CSMD3: variants seen among roughly 807,000 people sequenced by gnomAD.
CSMD3 encodes CUB and sushi domain-containing protein 3.
Under a neutral mutation model 435.2 loss-of-function variants are expected in CSMD3, and 177 were observed. The observed-to-expected ratio is 0.41, with a 90% CI of 0.36 to 0.46. The LOEUF is 0.46. CSMD3 is among the 20% of genes least tolerant of loss of function. The probability of loss-of-function intolerance (pLI) is 0.34; values close to 1 mark genes in which losing one functional copy is unlikely to be tolerated. For missense variants in CSMD3, 4,265 were observed against 4,504.6 expected (o/e 0.95, Z 1.52); for synonymous variants, 1,656 against 1,520.5 (o/e 1.09, Z -2.07).
intron 17 of CSMD3, among the ~76,000 whole-genome samples, chr8:112,656,664 A>C (rs1308792968): frequency 6.6e-6 from 1 of 152,094 alleles, no homozygotes; most frequent in Non-Finnish European, 1.5e-5. Flanking sequence ...TGTCTTCCTT[A>C]TTTTTATGGA....
chr8:112,766,748 T>A (rs1461693531), intron 13 of CSMD3, among the ~76,000 whole-genome samples: 1 of 151,744 alleles, frequency 6.6e-6, no homozygotes, highest in Non-Finnish European at 1.5e-5. Flanking sequence ...GGCAAGTTAA[T>A]GAAAAAGGAG....
At chr8:113,300,176 A>AAAAC (rs1554602392) in intron 2 of CSMD3, among the ~76,000 whole-genome samples, 9 of 149,512 alleles carry the variant, frequency 6.0e-5, no homozygotes, top group African/African-American at 2.0e-4. Flanking sequence ...AAAAAAAAAA[A>AAAAC]AACAACAGAT....
chr8:112,842,248 G>T (rs183053686), intron 11 of CSMD3, among the ~76,000 whole-genome samples: 1 of 151,826 alleles, frequency 6.6e-6, no homozygotes, highest in African/African-American at 2.4e-5. Context: ...TCTCAGTGAC[G>T]GAAAGCAAAA....
At chr8:113,339,111 T>G (rs1023748519) in intron 1 of CSMD3, among the ~76,000 whole-genome samples, 1 of 151,968 alleles carries the variant, frequency 6.6e-6, no homozygotes, top group African/African-American at 2.4e-5. Flanking sequence ...TATAACAGAA[T>G]AATAAGAATA....
chr8:112,402,123 C>T (rs1384940102), intron 35 of CSMD3, among the ~76,000 whole-genome samples: 1 of 152,136 alleles, frequency 6.6e-6, no homozygotes. Flanking sequence ...AGTCATTTAG[C>T]CATAATGAAC....
chr8:112,418,217 G>T (rs1206989269), intron 32 of CSMD3, among the ~76,000 whole-genome samples: 1 of 152,002 alleles, frequency 6.6e-6, no homozygotes. Flanking sequence ...CTCTTATAAT[G>T]TTTGGCTACT....
chr8:112,605,073 C>A (rs1390641012), intron 22 of CSMD3, among the ~76,000 whole-genome samples: 1 of 152,084 alleles, frequency 6.6e-6, no homozygotes, highest in Non-Finnish European at 1.5e-5. Flanking sequence ...ATCAAAACCA[C>A]AATGAGATAT....
chr8:113,123,804 A>G (rs972055410), intron 4 of CSMD3, among the ~76,000 whole-genome samples: 2 of 151,982 alleles, frequency 1.3e-5, no homozygotes, highest in Non-Finnish European at 2.9e-5. Context: ...TGTAGATCCC[A>G]TCTGGCTTAT....
intron 63 of CSMD3, among the ~76,000 whole-genome samples, chr8:112,253,417 T>C (rs1426610841): frequency 1.3e-5 from 2 of 151,982 alleles, no homozygotes; most frequent in African/African-American, 2.4e-5. Context: ...GCCTGAACTG[T>C]AGATAAATGG....
intron 16 of CSMD3, among the ~76,000 whole-genome samples, chr8:112,671,795 T>C (rs935498242): frequency 6.6e-6 from 1 of 152,088 alleles, no homozygotes; most frequent in African/African-American, 2.4e-5. Context: ...CATTTTATAC[T>C]CTCTTTACCA....
chr8:112,683,819 A>C (rs1352088484), intron 15 of CSMD3, among the ~76,000 whole-genome samples: 1 of 151,864 alleles, frequency 6.6e-6, no homozygotes, highest in Non-Finnish European at 1.5e-5. Context: ...TAATTTTACT[A>C]TCTGTTCTCC....
At chr8:112,360,289 T>C (rs559601265) in intron 38 of CSMD3, among the ~76,000 whole-genome samples, 1 of 152,066 alleles carries the variant, frequency 6.6e-6, no homozygotes, top group East Asian at 1.9e-4. Context: ...TATAAAAAAC[T>C]ATCAAAATCC....
chr8:113,150,185 G>A (rs1211297387), intron 4 of CSMD3, among the ~76,000 whole-genome samples: 4 of 151,872 alleles, frequency 2.6e-5, no homozygotes, highest in Admixed American at 6.6e-5. Context: ...AGAAGAGCCT[G>A]TGAATACAAT....
rs1052435142 is a variant in CSMD3 at position 112,916,782 on chromosome 8, C to T, written c.1633+4845G>A. 2.0e-5 allele frequency among the ~76,000 whole-genome samples: 3 copies of T among 151,928 alleles called. No individual in the cohort carries two copies. In the Admixed American group the frequency reaches 2.0e-4, roughly 10 times the overall value. ...ATGATCTTATTACTACCTTCTCAAA[C>T]TGTTGGTTACAATTAATTAAATCTT... is the stretch of plus-strand genomic sequence containing the variant. On this transcript the variant is annotated intron_variant, in intron 10 of 70. Coordinates refer to ENST00000297405, the MANE Select transcript of CSMD3 (RefSeq NM_198123.2).
intron 32 of CSMD3, among the ~76,000 whole-genome samples, chr8:112,426,809 A>G (rs1202630004): frequency 6.6e-6 from 1 of 152,216 alleles, no homozygotes; most frequent in African/African-American, 2.4e-5. Context: ...GGCACTAACA[A>G]CACCTTTGTG....
At chr8:113,126,704 C>T (rs531700867) in intron 4 of CSMD3, among the ~76,000 whole-genome samples, 1 of 151,762 alleles carries the variant, frequency 6.6e-6, no homozygotes. Context: ...GTGGGCTATA[C>T]CACTCCTTTT....
intron 13 of CSMD3, among the ~76,000 whole-genome samples, chr8:112,760,399 A>C (rs1167982019): frequency 6.6e-6 from 1 of 152,164 alleles, no homozygotes; most frequent in Non-Finnish European, 1.5e-5. Flanking sequence ...AAAATATTTC[A>C]ATGAAAAATG....
chr8:112,915,673 CA>C (rs1403792489), intron 10 of CSMD3, among the ~76,000 whole-genome samples: 1 of 151,638 alleles, frequency 6.6e-6, no homozygotes, highest in African/African-American at 2.4e-5. Flanking sequence ...GTAAATAAAG[CA>C]TAAGAGATCT....
intron 1 of CSMD3, among the ~76,000 whole-genome samples, chr8:113,332,079 C>T (rs1445847673): frequency 6.6e-6 from 1 of 151,446 alleles, no homozygotes; most frequent in Admixed American, 6.6e-5. Context: ...AATATTGCAA[C>T]AAAGTGAGTC....
Sources: allele counts gnomAD v4.1 joint callset (sites outside exome capture counted in the v4.1 genomes callset), GRCh38; gene constraint gnomAD v4.1.1; transcripts MANE v1.5; gene names NCBI Gene and HGNC (gene_info 2026-07-23, HGNC 2026-07-21).